The following MBD5 variants were observed in gnomAD, a reference collection of about 807,000 sequenced individuals.
MBD5 encodes methyl-CpG-binding domain protein 5.
Under a neutral mutation model 117.3 loss-of-function variants are expected in MBD5, and 13 were observed. The observed-to-expected ratio is 0.11, with a 90% CI of 0.07 to 0.18. MBD5 has a LOEUF of 0.18. Ranked by LOEUF, MBD5 falls within the 10% of genes least tolerant of loss-of-function variation. The pLI is 1.00. For missense variants in MBD5, 1,879 were observed against 2,093.8 expected (o/e 0.90, Z 2.00); for synonymous variants, 727 against 766.4 (o/e 0.95, Z 0.85).
intron 3 of MBD5, among the ~76,000 whole-genome samples, chr2:148,329,671 A>G (rs949644896): frequency 6.6e-6 from 1 of 152,196 alleles, no homozygotes; most frequent in Non-Finnish European, 1.5e-5. Context: ...TGTTTGATGT[A>G]TAAGAAAGGC....
rs1704473982 is a variant in MBD5, at chr2:148,389,187, GT to G, written c.-557+46852del. Among the ~76,000 whole-genome samples, 4 of 5,644 alleles carry G rather than the reference GT, an allele frequency of 7.1e-4. No homozygotes were observed. In the South Asian group the frequency reaches 0.015, roughly 22 times the overall value. The allele number at this position is 5,644 out of a possible 152,430, so 3.7% of individuals were successfully genotyped here. A position where few individuals can be genotyped will look rare whatever the true frequency, so the allele number is the denominator to read the frequency against. On this transcript the variant is annotated intron_variant, in intron 4 of 13. Transcript: ENST00000642680. Reference sequence around the variant, plus strand: ...TTTTATGGCTCCATAGTATTCCGTGGTGTGTGTGTGTGTGTGTGTGTGTGTG... The same window carrying G: ...TTTTATGGCTCCATAGTATTCCGTGGGTGTGTGTGTGTGTGTGTGTGTGTG...
chr2:148,082,219 C>T (rs1695664864), intron 1 of MBD5, among the ~76,000 whole-genome samples: 1 of 152,186 alleles, frequency 6.6e-6, no homozygotes, highest in South Asian at 2.1e-4. Context: ...CTCTACAAGA[C>T]CTTTTGAATG....
At position 148,513,212 on chromosome 2, in the gene MBD5, T is replaced by C; in HGVS notation, c.*271T>C. The C allele has an allele frequency of 2.3e-6, 1 of 428,290 alleles. No homozygotes were observed. Among genetic ancestry groups the C allele is most frequent in the Non-Finnish European group, 4.3e-6 (1 of 234,908 alleles). 26.5% of individuals were successfully genotyped at this position (428,290 alleles called of 1,614,324 possible). ...AAACTCTTTTTCTATAATACTAAAT[T>C]GTGATTATAAGAAATAGTCCAAATG... On this transcript the variant is annotated 3_prime_UTR_variant, in exon 14 of 14. Coordinates refer to ENST00000642680, the MANE Select transcript of MBD5 (RefSeq NM_001378120.1).
At chr2:148,227,323 T>C (rs1699857195) in intron 2 of MBD5, among the ~76,000 whole-genome samples, 1 of 152,216 alleles carries the variant, frequency 6.6e-6, no homozygotes, top group South Asian at 2.1e-4. Flanking sequence ...GTTTCAGCTT[T>C]CTACATATGG....
intron 1 of MBD5, among the ~76,000 whole-genome samples, chr2:148,052,042 T>C (rs1162334890): frequency 1.3e-5 from 2 of 151,978 alleles, no homozygotes; most frequent in Non-Finnish European, 2.9e-5. Flanking sequence ...TACCCTTCTC[T>C]CTTTTTTTTC....
intron 3 of MBD5, among the ~76,000 whole-genome samples, chr2:148,323,505 C>A (rs1206277455): frequency 3.9e-5 from 6 of 152,038 alleles, no homozygotes; most frequent in Non-Finnish European, 7.4e-5. Context: ...TCTCCAGCAC[C>A]TGTTGTTTCC....
intron 4 of MBD5, among the ~76,000 whole-genome samples, chr2:148,345,113 G>C (rs1381243400): frequency 6.6e-6 from 1 of 151,622 alleles, no homozygotes; most frequent in Non-Finnish European, 1.5e-5. Flanking sequence ...GTTGATAATG[G>C]GGGAGGCAGT....
At chr2:148,420,285 T>C (rs903375847) in intron 4 of MBD5, among the ~76,000 whole-genome samples, 1 of 152,202 alleles carries the variant, frequency 6.6e-6, no homozygotes, top group Non-Finnish European at 1.5e-5. Context: ...TTTAACTTCA[T>C]GTAAATCTTT....
intron 3 of MBD5, among the ~76,000 whole-genome samples, chr2:148,275,465 A>G (rs1228277654): frequency 6.6e-6 from 1 of 152,184 alleles, no homozygotes; most frequent in Non-Finnish European, 1.5e-5. Flanking sequence ...TAACCTATAG[A>G]GCAGGCCAGC....
intron 2 of MBD5, among the ~76,000 whole-genome samples, chr2:148,215,165 T>C (rs1699521191): frequency 6.6e-6 from 1 of 152,202 alleles, no homozygotes; most frequent in Non-Finnish European, 1.5e-5. Flanking sequence ...GGTTCATTAC[T>C]AACAGTAGTG....
In MBD5 at chr2:148,195,024, A is replaced by G. The variant is rs1255168755; in HGVS notation, c.-831+16231A>G. Among the ~76,000 whole-genome samples the G allele has an allele frequency of 1.3e-5, 2 of 152,304 alleles. 1 individual carries two copies. Among genetic ancestry groups the G allele is most frequent in the South Asian group, 4.1e-4 (2 of 4,828 alleles). ...TAAGGTCCATACTGTTTCTGTCACAACTACTCAACTCTCTTATCAGAGATC... is the reference window on the plus strand; with the variant it reads ...TAAGGTCCATACTGTTTCTGTCACAGCTACTCAACTCTCTTATCAGAGATC... On this transcript the variant is annotated intron_variant, in intron 2 of 13. Transcript: ENST00000642680.
intron 4 of MBD5, among the ~76,000 whole-genome samples, chr2:148,348,877 A>G (rs888235459): frequency 6.6e-6 from 1 of 151,962 alleles, no homozygotes; most frequent in African/African-American, 2.4e-5. Flanking sequence ...TTCAATGTAC[A>G]TAACAGCCCC....
At chr2:148,211,280 TC>T (rs1400703464) in intron 2 of MBD5, among the ~76,000 whole-genome samples, 5 of 152,156 alleles carry the variant, frequency 3.3e-5, no homozygotes, top group African/African-American at 1.2e-4. Flanking sequence ...TCTAGTTGGA[TC>T]TTCAAATTTA....
chr2:148,022,558 G>A (rs1451050856), intron 1 of MBD5, among the ~76,000 whole-genome samples: 1 of 152,072 alleles, frequency 6.6e-6, no homozygotes, highest in East Asian at 1.9e-4. Flanking sequence ...AAAACTTTAT[G>A]TTGTTCTGGC....
Position 148,063,553 on chromosome 2 carries a change from CTT to C in MBD5, c.-925+41880_-925+41881del, listed in dbSNP as rs35670128. On this transcript the variant is annotated intron_variant, in intron 1 of 13. Transcript: ENST00000642680. ...TGAGCATTGCTATTTTCCAAGAAAA[CTT>C]TTTTTTTTTTAATACAAAAACAGGC... is the stretch of plus-strand genomic sequence containing the variant. 1.7e-3 allele frequency among the ~76,000 whole-genome samples: 256 copies of C among 149,580 alleles called. 1 individual carries two copies. The highest frequency in any genetic ancestry group is 7.7e-3 in the East Asian group (39 of 5,094).
intron 2 of MBD5, among the ~76,000 whole-genome samples, chr2:148,219,711 T>C (rs1699637210): frequency 6.6e-6 from 1 of 152,174 alleles, no homozygotes; most frequent in Non-Finnish European, 1.5e-5. Flanking sequence ...TGTCACTAAG[T>C]GACACTTTTT....
At chr2:148,472,815 G>T (rs1006116879) in intron 8 of MBD5, among the ~76,000 whole-genome samples, 1 of 152,100 alleles carries the variant, frequency 6.6e-6, no homozygotes, top group African/African-American at 2.4e-5. Context: ...CTATCGTCAA[G>T]TACCTTTTAT....
intron 4 of MBD5, among the ~76,000 whole-genome samples, chr2:148,446,600 A>ATGTGTGTGTGTGTG (rs1215172950): frequency 3.0e-4 from 3 of 9,944 alleles, no homozygotes; most frequent in Non-Finnish European, 8.3e-4. Context: ...CAGATTATTT[A>ATGTGTGTGTGTGTG]TCTGTGTGTG....
intron 1 of MBD5, among the ~76,000 whole-genome samples, chr2:148,107,801 G>A (rs191302149): frequency 6.6e-6 from 1 of 151,840 alleles, no homozygotes; most frequent in African/African-American, 2.4e-5. Flanking sequence ...ATTTTTGTTT[G>A]TATGTTTTAC....
Sources: allele counts gnomAD v4.1 joint callset (sites outside exome capture counted in the v4.1 genomes callset), GRCh38; gene constraint gnomAD v4.1.1; transcripts MANE v1.5; gene names NCBI Gene and HGNC (gene_info 2026-07-23, HGNC 2026-07-21).